Variants in ST6GALNAC3 observed in about 807,000 individuals in gnomAD.
ST6GALNAC3 encodes the protein ST6 N-acetylgalactosaminide alpha-2,6-sialyltransferase 3.
In ST6GALNAC3, 25 loss-of-function variants were observed where a neutral mutation model predicts 32.7. That is an observed-to-expected ratio of 0.76 (90% CI 0.56 to 1.07). ST6GALNAC3 has a LOEUF of 1.07. ST6GALNAC3 is among the 50% of genes least tolerant of loss of function. The pLI, the probability that ST6GALNAC3 is intolerant of heterozygous loss-of-function variation, is 0.00. For synonymous variants in ST6GALNAC3, 129 were observed against 133.1 expected, an observed-to-expected ratio of 0.97 and a Z score of 0.21; for missense variants, 355 against 382.4, an observed-to-expected ratio of 0.93 and a Z score of 0.60.
chr1:76,433,268 C>T (rs1239738471), intron 3 of ST6GALNAC3, among the ~76,000 whole-genome samples: 1 of 152,026 alleles, frequency 6.6e-6, no homozygotes, highest in Admixed American at 6.6e-5. Flanking sequence ...TTTCATTTTT[C>T]CGTAAGATTT....
chr1:76,219,633 G>T (rs1655658658), intron 1 of ST6GALNAC3, among the ~76,000 whole-genome samples: 1 of 152,202 alleles, frequency 6.6e-6, no homozygotes, highest in African/African-American at 2.4e-5. Flanking sequence ...TGGTGAAAGG[G>T]TTTTGGCCAT....
chr1:76,217,417 T>G (rs976823063), intron 1 of ST6GALNAC3, among the ~76,000 whole-genome samples: 2 of 152,244 alleles, frequency 1.3e-5, no homozygotes, highest in Non-Finnish European at 2.9e-5. Flanking sequence ...TTTCTATATG[T>G]GGCAGAACTG....
chr1:76,366,312 C>T (rs1291253466), intron 2 of ST6GALNAC3, among the ~76,000 whole-genome samples: 2 of 152,058 alleles, frequency 1.3e-5, no homozygotes, highest in Admixed American at 1.3e-4. Flanking sequence ...AAAATTCTAC[C>T]TTTTTTCCTG....
intron 3 of ST6GALNAC3, among the ~76,000 whole-genome samples, chr1:76,466,251 C>A (rs1200967540): frequency 6.6e-6 from 1 of 151,892 alleles, no homozygotes; most frequent in African/African-American, 2.4e-5. Flanking sequence ...TGTATCAGCT[C>A]CCCAGATAAT....
At chr1:76,602,550 C>G (rs1042961930) in intron 3 of ST6GALNAC3, among the ~76,000 whole-genome samples, 2 of 151,808 alleles carry the variant, frequency 1.3e-5, no homozygotes, top group Non-Finnish European at 2.9e-5. Flanking sequence ...ATTTGTAATT[C>G]TAAGTTGTAA....
chr1:76,460,985 C>T (rs1163610699), intron 3 of ST6GALNAC3, among the ~76,000 whole-genome samples: 1 of 152,066 alleles, frequency 6.6e-6, no homozygotes, highest in African/African-American at 2.4e-5. Flanking sequence ...CTTCTGTAGG[C>T]CTTGAGTAAG....
intron 2 of ST6GALNAC3, among the ~76,000 whole-genome samples, chr1:76,362,376 C>G (rs1006059040): frequency 2.0e-5 from 3 of 152,138 alleles, no homozygotes; most frequent in African/African-American, 7.2e-5. Flanking sequence ...TTGGTAGGGA[C>G]GTAGATCCAA....
At chr1:76,166,232 A>G (rs1017414485) in intron 1 of ST6GALNAC3, among the ~76,000 whole-genome samples, 2 of 152,132 alleles carry the variant, frequency 1.3e-5, no homozygotes, top group African/African-American at 2.4e-5. Flanking sequence ...TGGCTAGCCA[A>G]TTATCCCAGA....
At chr1:76,549,379 T>A (rs1387194524) in intron 3 of ST6GALNAC3, among the ~76,000 whole-genome samples, 1 of 152,038 alleles carries the variant, frequency 6.6e-6, no homozygotes, top group African/African-American at 2.4e-5. Flanking sequence ...ACTATATATG[T>A]ACATAGTCAT....
intron 2 of ST6GALNAC3, among the ~76,000 whole-genome samples, chr1:76,406,773 A>G (rs547896805): frequency 1.1e-4 from 16 of 152,098 alleles, no homozygotes; most frequent in African/African-American, 3.1e-4. Context: ...CTGTGAGTGC[A>G]TTTCCTGAAA....
rs186843402 is a variant in ST6GALNAC3, at chr1:76,288,877, G to A, written c.19-24928G>A. ...CCACCGACCCATGCTCTATTATAGC[G>A]AGCAGAAAAATGAACACATTGTGGT... On this transcript the variant is annotated intron_variant, in intron 1 of 4. Transcript: ENST00000328299. Among the ~76,000 whole-genome samples, 7 of 152,234 alleles carry A rather than the reference G, an allele frequency of 4.6e-5. No homozygotes were observed. In the East Asian group the frequency reaches 1.2e-3, roughly 25 times the overall value.
intron 3 of ST6GALNAC3, among the ~76,000 whole-genome samples, chr1:76,427,761 G>C (rs1030361752): frequency 2.0e-5 from 3 of 152,088 alleles, no homozygotes; most frequent in African/African-American, 7.2e-5. Context: ...CAACCCCATT[G>C]CAGTTGGGGG....
intron 3 of ST6GALNAC3, among the ~76,000 whole-genome samples, chr1:76,539,507 T>C (rs1003735118): frequency 1.3e-5 from 2 of 152,064 alleles, no homozygotes; most frequent in African/African-American, 2.4e-5. Context: ...AAAGCCAAAA[T>C]TGACAAATGG....
At chr1:76,533,895 G>A (rs1663424985) in intron 3 of ST6GALNAC3, among the ~76,000 whole-genome samples, 1 of 152,020 alleles carries the variant, frequency 6.6e-6, no homozygotes, top group Non-Finnish European at 1.5e-5. Context: ...TCCCTGCAGA[G>A]GCAGGCATTC....
chr1:76,593,944 G>T (rs927748802), intron 3 of ST6GALNAC3, among the ~76,000 whole-genome samples: 1 of 152,074 alleles, frequency 6.6e-6, no homozygotes, highest in Admixed American at 6.6e-5. Flanking sequence ...AATCTCTGAG[G>T]ATTACTACGA....
At chr1:76,261,778 C>G (rs138811068) in intron 1 of ST6GALNAC3, among the ~76,000 whole-genome samples, 3 of 152,300 alleles carry the variant, frequency 2.0e-5, no homozygotes, top group Non-Finnish European at 4.4e-5. Flanking sequence ...TAACTCCCCT[C>G]TTTTGGCCTA....
chr1:76,298,290 T>C (rs1390467844), intron 1 of ST6GALNAC3, among the ~76,000 whole-genome samples: 1 of 151,946 alleles, frequency 6.6e-6, no homozygotes, highest in Non-Finnish European at 1.5e-5. Context: ...ATCTAAAAAC[T>C]TACCCAAGAA....
At chr1:76,090,091 C>T (rs1647024359) in intron 1 of ST6GALNAC3, among the ~76,000 whole-genome samples, 1 of 152,098 alleles carries the variant, frequency 6.6e-6, no homozygotes, top group Admixed American at 6.5e-5. Context: ...GCTAGTGGGG[C>T]CAGGGAATAA....
intron 1 of ST6GALNAC3, among the ~76,000 whole-genome samples, chr1:76,093,104 A>T (rs1401292211): frequency 2.0e-5 from 3 of 152,228 alleles, no homozygotes; most frequent in African/African-American, 7.2e-5. Context: ...AGATTTGAAG[A>T]TATGGGAAGA....
Sources: allele counts gnomAD v4.1 joint callset (sites outside exome capture counted in the v4.1 genomes callset), GRCh38; gene constraint gnomAD v4.1.1; transcripts MANE v1.5; gene names NCBI Gene and HGNC (gene_info 2026-07-23, HGNC 2026-07-21).